The following ANK2 variants were observed in gnomAD, a reference collection of about 807,000 sequenced individuals.
The protein encoded by ANK2 is ankyrin-2.
Under a neutral mutation model 360.5 loss-of-function variants are expected in ANK2, and 83 were observed. The observed-to-expected ratio is 0.23, with a 90% CI of 0.19 to 0.28. The LOEUF (loss-of-function observed/expected upper bound fraction) is 0.28. ANK2 is among the 10% of genes least tolerant of loss of function. The probability of loss-of-function intolerance (pLI) is 1.00; values close to 1 mark genes in which losing one functional copy is unlikely to be tolerated. For synonymous variants in ANK2, 1,740 were observed against 1,759.5 expected, an observed-to-expected ratio of 0.99 and a Z score of 0.28; for missense variants, 4,201 against 4,795.7, an observed-to-expected ratio of 0.88 and a Z score of 3.66.
the ANK2 span, among the ~76,000 whole-genome samples, chr4:112,756,766 A>T: frequency 2.6e-4 from 40 of 152,308 alleles, no homozygotes; most frequent in South Asian, 1.4e-3. Flanking sequence ...TGAGGTCAGG[A>T]GTTCGAGACC....
intron 26 of ANK2, 133 bp from the exon 27 acceptor site, chr4:113,330,113 G>C (rs945870400): frequency 2.4e-6 from 2 of 823,778 alleles, no homozygotes; most frequent in African/African-American, 3.5e-5. Context: ...TTAAAAACAA[G>C]CATTTTACCA....
the ANK2 span, among the ~76,000 whole-genome samples, chr4:112,716,781 G>T: frequency 6.6e-6 from 1 of 152,124 alleles, no homozygotes; most frequent in African/African-American, 2.4e-5. Flanking sequence ...AATTGAAGAA[G>T]TTATACAAGA....
chr4:113,345,859 A>T, intron 34 of ANK2, 41 bp from the exon 35 acceptor site: 1 of 1,611,690 alleles, frequency 6.2e-7, no homozygotes, highest in Non-Finnish European at 8.5e-7. Context: ...AAATACTGCA[A>T]ATCAAATGTG....
rs1196179302 is a variant in ANK2 at position 113,237,039 on chromosome 4, T to C, written c.536T>C (p.Val179Ala). ...CTCCAGCAAGGACACAACCAGGCGG[T>C]GGCCATCCTCTTGGAGAATGACACC... ...VALQQGHNQA[V>A]AILLENDTKG... The change falls in exon 6 of 46, where the codon GTG becomes GCG. Residue 179 changes from valine (V) to alanine (A), a missense_variant. Val to Ala is a moderately conservative substitution (Grantham distance 64, BLOSUM62 0). This residue lies in a region of ANK2 where 122 missense variants were observed against 239.3 expected (regional missense o/e 0.51). Coordinates refer to ENST00000357077, the MANE Select transcript of ANK2 (RefSeq NM_001148.6). The C allele has an allele frequency of 1.2e-6, 2 of 1,614,158 alleles. No individual in the cohort carries two copies. The highest frequency in any genetic ancestry group is 1.7e-6 in the Non-Finnish European group (2 of 1,180,024).
chr4:112,982,453 C>G (rs1166535309), intron 2 of ANK2, among the ~76,000 whole-genome samples: 4 of 152,264 alleles, frequency 2.6e-5, no homozygotes, highest in Admixed American at 2.6e-4. Flanking sequence ...GATAATTGTT[C>G]TCAACAAATG....
In ANK2 at chr4:113,221,029, G is replaced by A. The variant is rs57600327; in HGVS notation, c.385-11132G>A. On this transcript the variant is annotated intron_variant, in intron 4 of 45. Transcript: ENST00000357077. ...AGGCAAGCAACAGAAGACACTCTTGGTACTAAATTATATGGAATAGACTGT... is the reference window on the plus strand; with the variant it reads ...AGGCAAGCAACAGAAGACACTCTTGATACTAAATTATATGGAATAGACTGT... Among the ~76,000 whole-genome samples, 994 of 152,294 alleles carry A rather than the reference G, an allele frequency of 6.5e-3. 9 individuals are homozygous for A. Among genetic ancestry groups the A allele is most frequent in the African/African-American group, 0.023 (952 of 41,564 alleles).
intron 1 of ANK2, among the ~76,000 whole-genome samples, chr4:113,120,407 T>A (rs1299590476): frequency 2.0e-5 from 3 of 152,054 alleles, no homozygotes; most frequent in African/African-American, 7.3e-5. Context: ...AAAAAATGGT[T>A]AAGTGATTTA....
chr4:113,150,007 T>C (rs1293937573), intron 1 of ANK2, among the ~76,000 whole-genome samples: 1 of 150,978 alleles, frequency 6.6e-6, no homozygotes, highest in Non-Finnish European at 1.5e-5. Flanking sequence ...TAAAAGGTAG[T>C]AGAGAATTCA....
chr4:113,022,336 G>A (rs2058353294), intron 2 of ANK2, among the ~76,000 whole-genome samples: 2 of 152,032 alleles, frequency 1.3e-5, no homozygotes, highest in South Asian at 4.2e-4. Flanking sequence ...CCTAAAATTG[G>A]GCATTACTTA....
chr4:113,066,701 G>C (rs1259044486), intron 1 of ANK2, among the ~76,000 whole-genome samples: 1 of 152,114 alleles, frequency 6.6e-6, no homozygotes, highest in African/African-American at 2.4e-5. Flanking sequence ...CATCTCATGA[G>C]GTGGTGAAAG....
Position 113,173,670 on chromosome 4 carries a change from C to T in ANK2, c.85-746C>T, listed in dbSNP as rs1407977682. Among the ~76,000 whole-genome samples the T allele has an allele frequency of 3.3e-5, 5 of 152,152 alleles. No homozygotes were observed. In the East Asian group the frequency reaches 7.7e-4, roughly 23 times the overall value. On this transcript the variant is annotated intron_variant, in intron 1 of 45. Transcript: ENST00000357077. ...GGCAGAATTCAGCTGAGTCTCCCAG[C>T]ATCTGATTTTGAGAGGAGTGTGGGA...
intron 1 of ANK2, among the ~76,000 whole-genome samples, chr4:112,829,189 G>A (rs1384739598): frequency 1.3e-5 from 2 of 152,056 alleles, no homozygotes; most frequent in Non-Finnish European, 2.9e-5. Context: ...ATGAATGAAT[G>A]AATAAAATGC....
chr4:113,161,300 G>A (rs768391486), intron 1 of ANK2, among the ~76,000 whole-genome samples: 3 of 152,140 alleles, frequency 2.0e-5, no homozygotes, highest in Non-Finnish European at 2.9e-5. Context: ...AGTTCCAACA[G>A]AAGAATTTTG....
chr4:112,725,904 C>T, the ANK2 span, among the ~76,000 whole-genome samples: 1 of 151,716 alleles, frequency 6.6e-6, no homozygotes, highest in Non-Finnish European at 1.5e-5. Flanking sequence ...ATGATTTTAT[C>T]CAATTTAAAA....
chr4:112,904,971 A>G lies in ANK2; in HGVS notation c.21+457A>G, dbSNP rs149222004. Among the ~76,000 whole-genome samples the G allele has an allele frequency of 5.7e-3, 870 of 152,292 alleles. 11 individuals are homozygous for G. Among genetic ancestry groups the G allele is most frequent in the African/African-American group, 0.02 (837 of 41,574 alleles). ...AAGTTATTTGATTCTAAATAATTCA[A>G]ATAGATTGCATCCATGTGGAGAATT... On this transcript the variant is annotated intron_variant, in intron 2 of 30. Coordinates refer to the ANK2 transcript ENST00000503271.
chr4:113,174,297 T>G, intron 1 of ANK2, 119 bp from the exon 2 acceptor site: 1 of 758,810 alleles, frequency 1.3e-6, no homozygotes, highest in South Asian at 1.5e-5. Context: ...AACTCCGTAT[T>G]ATTGAAATTT....
intron 1 of ANK2, among the ~76,000 whole-genome samples, chr4:112,894,076 C>T (rs932125227): frequency 1.3e-5 from 2 of 152,190 alleles, no homozygotes; most frequent in Non-Finnish European, 2.9e-5. Flanking sequence ...CTGACCCTTG[C>T]CCTTGTGCAG....
intron 1 of ANK2, among the ~76,000 whole-genome samples, chr4:112,821,325 A>C (rs2056964994): frequency 6.6e-6 from 1 of 152,164 alleles, no homozygotes; most frequent in South Asian, 2.1e-4. Flanking sequence ...CTGGGATTAC[A>C]GGCATGCACC....
At chr4:113,361,807 T>C (rs1414838877) in intron 39 of ANK2, among the ~76,000 whole-genome samples, 2 of 152,112 alleles carry the variant, frequency 1.3e-5, no homozygotes, top group Non-Finnish European at 2.9e-5. Context: ...ATTGACTTAC[T>C]AGATAACATT....
Sources: allele counts gnomAD v4.1 joint callset (sites outside exome capture counted in the v4.1 genomes callset), GRCh38; gene constraint gnomAD v4.1.1; regional missense constraint gnomAD v4.1.1; transcripts MANE v1.5; gene names NCBI Gene and HGNC (gene_info 2026-07-23, HGNC 2026-07-21).